The following IGSF11 variants were observed in gnomAD, a reference collection of about 807,000 sequenced individuals.
IGSF11 encodes CXADR like 1.
IGSF11 carries 22 observed loss-of-function variants against 41.0 expected under a neutral mutation model. The ratio of observed to expected loss-of-function variants is 0.54; its 90% CI spans 0.38 to 0.77. The LOEUF (loss-of-function observed/expected upper bound fraction) is 0.77. Ranked by LOEUF, IGSF11 falls within the 30% of genes least tolerant of loss-of-function variation. IGSF11 has a pLI of 0.00. For missense variants in IGSF11, 444 were observed against 530.8 expected (o/e 0.84, Z 1.61); for synonymous variants, 219 against 201.3 (o/e 1.09, Z -0.74).
At chr3:119,011,090 C>T (rs1464041312) in intron 1 of IGSF11, among the ~76,000 whole-genome samples, 1 of 152,104 alleles carries the variant, frequency 6.6e-6, no homozygotes, top group African/African-American at 2.4e-5. Flanking sequence ...CGTTGGACAA[C>T]ATATGAAAAA....
At chr3:119,120,104 G>GT (rs1233934106) in intron 1 of IGSF11, among the ~76,000 whole-genome samples, 1 of 152,192 alleles carries the variant, frequency 6.6e-6, no homozygotes, top group East Asian at 1.9e-4. Flanking sequence ...GAATAAAGCA[G>GT]TCTTAAAGTG....
intron 1 of IGSF11, among the ~76,000 whole-genome samples, chr3:119,081,381 T>C (rs937146830): frequency 1.3e-5 from 2 of 152,168 alleles, no homozygotes; most frequent in Non-Finnish European, 2.9e-5. Flanking sequence ...CTTTGTGCTC[T>C]ACTCGATCAT....
chr3:118,947,350 G>A (rs1944233570), intron 1 of IGSF11: 1 of 152,170 alleles, frequency 6.6e-6, no homozygotes, highest in African/African-American at 2.4e-5. Flanking sequence ...AGTTATCCAG[G>A]TTAGATATCA....
Position 118,902,853 on chromosome 3 carries a change from G to A in IGSF11, c.963C>T (p.Tyr321=), listed in dbSNP as rs1400515669. 2 of 1,614,168 alleles carry A rather than the reference G, an allele frequency of 1.2e-6. No individual in the cohort carries two copies. The highest frequency in any genetic ancestry group is 8.5e-7 in the Non-Finnish European group (1 of 1,179,994). ...LTSSNAYNSR[Y]WSNNPKVHRN... is the part of the protein sequence containing the mutation. ...TATGAACTTTTGGATTGTTGCTCCA[G>A]TATCGACTGTTGTAGGCATTGGAAG... The change falls in exon 7 of 7, where the codon TAC becomes TAT. Residue 321 remains tyrosine, a synonymous_variant. Transcript: ENST00000393775.
chr3:119,087,417 C>T (rs2076694754), intron 1 of IGSF11, among the ~76,000 whole-genome samples: 1 of 151,754 alleles, frequency 6.6e-6, no homozygotes, highest in Non-Finnish European at 1.5e-5. Context: ...CACACACACA[C>T]ACACACCATA....
At chr3:119,018,040 G>A (rs1938921525) in intron 1 of IGSF11, among the ~76,000 whole-genome samples, 3 of 152,102 alleles carry the variant, frequency 2.0e-5, no homozygotes, top group Admixed American at 6.5e-5. Context: ...TCTAACCCAA[G>A]AGTCGAGCAC....
intron 1 of IGSF11, among the ~76,000 whole-genome samples, chr3:118,971,201 C>CA (rs1372088171): frequency 6.6e-6 from 1 of 152,136 alleles, no homozygotes; most frequent in Non-Finnish European, 1.5e-5. Flanking sequence ...GCTGTATTTA[C>CA]AGGGGCAGAA....
At chr3:119,140,298 A>G (rs2077626020) in intron 1 of IGSF11, among the ~76,000 whole-genome samples, 1 of 152,190 alleles carries the variant, frequency 6.6e-6, no homozygotes, top group Admixed American at 6.5e-5. Flanking sequence ...TATGCCATGC[A>G]TGAAGTAATC....
chr3:119,034,438 G>C, intron 1 of IGSF11, 93 bp downstream of exon 1: 4 of 1,237,740 alleles, frequency 3.2e-6, no homozygotes, highest in South Asian at 1.9e-5. Flanking sequence ...CCTCGGCAAA[G>C]CAAGGAGGCT....
chr3:119,047,518 A>G (rs1424465640), intron 1 of IGSF11, among the ~76,000 whole-genome samples: 1 of 152,238 alleles, frequency 6.6e-6, no homozygotes, highest in Admixed American at 6.5e-5. Flanking sequence ...TGACCTACAA[A>G]GAGACTTAGA....
At chr3:118,921,402 A>T (rs1941777901) in intron 4 of IGSF11, among the ~76,000 whole-genome samples, 1 of 152,226 alleles carries the variant, frequency 6.6e-6, no homozygotes, top group African/African-American at 2.4e-5. Context: ...GATAGATTTT[A>T]AAAATAGAGG....
intron 1 of IGSF11, among the ~76,000 whole-genome samples, chr3:119,081,645 C>T (rs991173310): frequency 4.6e-5 from 7 of 152,216 alleles, no homozygotes; most frequent in Non-Finnish European, 1.0e-4. Context: ...TGGCACATTA[C>T]TTTACCACAG....
chr3:119,019,979 A>G (rs1198792864), intron 1 of IGSF11, among the ~76,000 whole-genome samples: 1 of 152,160 alleles, frequency 6.6e-6, no homozygotes, highest in Non-Finnish European at 1.5e-5. Flanking sequence ...TGCCATTATA[A>G]AAGAAGCCCC....
At chr3:118,954,064 G>T (rs1171257788) in intron 1 of IGSF11, among the ~76,000 whole-genome samples, 1 of 152,066 alleles carries the variant, frequency 6.6e-6, no homozygotes, top group Non-Finnish European at 1.5e-5. Context: ...GATACATCTT[G>T]AGTTGATTTT....
chr3:119,088,471 G>C (rs890365177), intron 1 of IGSF11, among the ~76,000 whole-genome samples: 4 of 149,730 alleles, frequency 2.7e-5, no homozygotes, highest in Non-Finnish European at 6.0e-5. Context: ...TCATCAAGAA[G>C]TTAGAAAGAT....
At chr3:119,064,511 CTTTTT>C (rs779910295) in intron 1 of IGSF11, among the ~76,000 whole-genome samples, 22 of 101,398 alleles carry the variant, frequency 2.2e-4, no homozygotes, top group African/African-American at 7.3e-4. Context: ...CTTGGCTGCT[CTTTTT>C]TTTTTTTTTT....
chr3:119,061,975 A>G (rs890807066), intron 1 of IGSF11, among the ~76,000 whole-genome samples: 5 of 152,146 alleles, frequency 3.3e-5, no homozygotes, highest in African/African-American at 7.2e-5. Flanking sequence ...CAACTGTGCT[A>G]TATTATTAAT....
intron 1 of IGSF11, among the ~76,000 whole-genome samples, chr3:118,958,730 A>T (rs1196072886): frequency 6.6e-6 from 1 of 152,258 alleles, no homozygotes; most frequent in African/African-American, 2.4e-5. Context: ...AGTCTGTGAC[A>T]TTAAGGATTA....
chr3:118,956,075 C>G (rs912664311), intron 1 of IGSF11, among the ~76,000 whole-genome samples: 1 of 152,182 alleles, frequency 6.6e-6, no homozygotes, highest in African/African-American at 2.4e-5. Context: ...CAACTTCCTT[C>G]CTGAAACCTC....
Sources: gnomAD v4.1 joint callset for allele counts (sites outside exome capture counted in the v4.1 genomes callset) on GRCh38, gnomAD v4.1.1 for gene constraint, MANE v1.5 for transcripts, NCBI Gene and HGNC (gene_info 2026-07-23, HGNC 2026-07-21) for gene names.